Variants in ORMDL1 observed in about 807,000 individuals in gnomAD.
ORMDL1 encodes the protein ORM1-like protein 1.
ORMDL1 carries 10 observed loss-of-function variants against 13.0 expected under a neutral mutation model. That is an observed-to-expected ratio of 0.77 (90% CI 0.47 to 1.30). ORMDL1 has a LOEUF of 1.30. Ranked by LOEUF, ORMDL1 falls within the 50% of genes most tolerant of loss-of-function variation. The pLI is 0.00. For missense variants in ORMDL1, 171 were observed against 186.7 expected (o/e 0.92, Z 0.49); for synonymous variants, 61 against 63.9 (o/e 0.95, Z 0.22).
chr2:189,772,970 T>A (rs2047611973), intron 4 of ORMDL1, among the ~76,000 whole-genome samples: 1 of 152,218 alleles, frequency 6.6e-6, no homozygotes, highest in South Asian at 2.1e-4. Context: ...GTAAACCATA[T>A]TCCTCAATTC....
downstream of ORMDL1, among the ~76,000 whole-genome samples, chr2:189,767,764 A>G (rs1361843298): frequency 6.6e-6 from 1 of 152,236 alleles, no homozygotes; most frequent in Non-Finnish European, 1.5e-5. Context: ...ACCATTGTTT[A>G]TCAAGGGCTT....
chr2:189,783,748 A>G (rs1023546999), intron 1 of ORMDL1, among the ~76,000 whole-genome samples: 1 of 152,352 alleles, frequency 6.6e-6, no homozygotes, highest in South Asian at 2.1e-4. Flanking sequence ...GTTCCACAGG[A>G]TGGAGGCCTG....
chr2:189,774,372 T>C (rs775521605), intron 4 of ORMDL1, among the ~76,000 whole-genome samples: 7 of 152,200 alleles, frequency 4.6e-5, no homozygotes, highest in Admixed American at 1.3e-4. Context: ...CAAAATTTCC[T>C]CAAAGGGCTA....
At chr2:189,783,737 C>A (rs1473636685) in intron 1 of ORMDL1, among the ~76,000 whole-genome samples, 3 of 152,220 alleles carry the variant, frequency 2.0e-5, no homozygotes, top group African/African-American at 7.2e-5. Flanking sequence ...AGTTTTCCCA[C>A]GTTCCACAGG....
intron 3 of ORMDL1, among the ~76,000 whole-genome samples, chr2:189,777,809 G>A (rs1253232194): frequency 6.6e-6 from 1 of 152,150 alleles, no homozygotes; most frequent in African/African-American, 2.4e-5. Context: ...GGTTTCTACT[G>A]TACGGTTCAG....
intron 3 of ORMDL1, among the ~76,000 whole-genome samples, chr2:189,776,674 CA>C (rs767531171): frequency 6.6e-6 from 1 of 152,106 alleles, no homozygotes; most frequent in Non-Finnish European, 1.5e-5. Context: ...CCCTTCCTTT[CA>C]AGGCTTAGTC....
In ORMDL1 at chr2:189,770,450, CA is replaced by C. The variant is rs2047554723; in HGVS notation, c.*1316del. On this transcript the variant is annotated 3_prime_UTR_variant, in exon 5 of 5. Coordinates refer to ENST00000392349, the MANE Select transcript of ORMDL1 (RefSeq NM_016467.5). Reference sequence around the variant, plus strand: ...TTCTAAACTCAATACTTTTGAGATACAAAACAATGATCATTACCCCCAAAAG... The same window carrying C: ...TTCTAAACTCAATACTTTTGAGATACAAACAATGATCATTACCCCCAAAAG... The C allele has an allele frequency of 6.6e-6, 1 of 152,038 alleles. No individual in the cohort carries two copies. Among genetic ancestry groups the C allele is most frequent in the Non-Finnish European group, 1.5e-5 (1 of 67,992 alleles). 9.4% of individuals were successfully genotyped at this position (152,038 alleles called of 1,614,324 possible). A position where few individuals can be genotyped will look rare whatever the true frequency, so the allele number is the denominator to read the frequency against.
chr2:189,768,735 G>GTAC (rs755371752), downstream of ORMDL1, among the ~76,000 whole-genome samples: 22 of 152,258 alleles, frequency 1.4e-4, no homozygotes, highest in Non-Finnish European at 2.5e-4. Flanking sequence ...AACAGGGGAA[G>GTAC]TGGTACTCTT....
intron 3 of ORMDL1, chr2:189,778,357 T>C (rs763609082): frequency 4.4e-6 from 2 of 452,780 alleles, no homozygotes; most frequent in Non-Finnish European, 8.8e-6. Flanking sequence ...ATCGTGCCAC[T>C]GTACTCCAGC....
In ORMDL1 at chr2:189,782,616, T is replaced by G. The variant is rs199965501; in HGVS notation, c.-7-14A>C. ...TTCATGTTTGCTCTGTAGGAAGTAA[T>G]GAAATGAATCAACACTGATACAACT... On this transcript the variant is annotated splice_polypyrimidine_tract_variant and intron_variant, in intron 2 of 4. Coordinates refer to ENST00000392349, the MANE Select transcript of ORMDL1 (RefSeq NM_016467.5). 2.5e-6 allele frequency: 4 copies of G among 1,609,314 alleles called. No individual in the cohort carries two copies. In the African/African-American group the frequency reaches 5.3e-5, roughly 22 times the overall value.
downstream of ORMDL1, among the ~76,000 whole-genome samples, chr2:189,766,204 C>A (rs1574956885): frequency 2.6e-5 from 4 of 152,160 alleles, no homozygotes; most frequent in South Asian, 8.3e-4. Flanking sequence ...GTAATACTGT[C>A]AATCAGGTCT....
chr2:189,776,493 G>A (rs2047700025), intron 3 of ORMDL1, among the ~76,000 whole-genome samples: 2 of 152,068 alleles, frequency 1.3e-5, no homozygotes, highest in African/African-American at 2.4e-5. Flanking sequence ...TTTCATTCAG[G>A]ATCACTGCTT....
At chr2:189,773,944 T>C (rs534046333) in intron 4 of ORMDL1, 6 of 152,254 alleles carry the variant, frequency 3.9e-5, no homozygotes, top group Non-Finnish European at 7.4e-5. Context: ...TACATCTCAG[T>C]TGGCTTTTTG....
chr2:189,772,724 C>G lies in ORMDL1; in HGVS notation c.327-822G>C, dbSNP rs116661606. Among the ~76,000 whole-genome samples the G allele has an allele frequency of 2.2e-3, 338 of 152,292 alleles. 1 individual carries two copies. The highest frequency in any genetic ancestry group is 3.0e-3 in the Non-Finnish European group (203 of 68,012). On this transcript the variant is annotated intron_variant, in intron 4 of 4. Transcript: ENST00000392349. The stretch of plus-strand genomic sequence containing the variant: ...TTGTTCATAATTAAGAAGTTAGTTT[C>G]TATTTAGGTCTTTGCAGTACGCAAG...
At position 189,782,622 on chromosome 2, in the gene ORMDL1, G is replaced by C. The variant is rs369350054; in HGVS notation, c.-7-20C>G. On this transcript the variant is annotated intron_variant, in intron 2 of 4. Coordinates refer to ENST00000392349, the MANE Select transcript of ORMDL1 (RefSeq NM_016467.5). Reference sequence around the variant, plus strand: ...TTTGCTCTGTAGGAAGTAATGAAATGAATCAACACTGATACAACTGGCAAC... The same window carrying C: ...TTTGCTCTGTAGGAAGTAATGAAATCAATCAACACTGATACAACTGGCAAC... 1.2e-5 allele frequency: 20 copies of C among 1,600,944 alleles called. No individual in the cohort carries two copies. The African/African-American group carries it at 1.5e-4, about 12-fold the overall frequency.
chr2:189,770,851 T>C lies in ORMDL1; in HGVS notation c.*916A>G, dbSNP rs2047562892. 1 of 152,210 alleles carries C rather than the reference T, an allele frequency of 6.6e-6. No individual in the cohort carries two copies. 9.4% of individuals were successfully genotyped at this position (152,210 alleles called of 1,614,324 possible). A position where few individuals can be genotyped will look rare whatever the true frequency, so the allele number is the denominator to read the frequency against. ...GACTCCATTACTTACTTTGGTACTA[T>C]TGCTAGAGACGTTGTTTCTGCCAGA... On this transcript the variant is annotated 3_prime_UTR_variant, in exon 5 of 5. Transcript: ENST00000392349.
At chr2:189,764,907 A>G in the ORMDL1 span, 1 of 151,926 alleles carries the variant, frequency 6.6e-6, no homozygotes, top group Admixed American at 6.6e-5. Flanking sequence ...ATCTCAGCTC[A>G]CTACAACCTC....
chr2:189,777,440 T>C (rs974996570), intron 3 of ORMDL1, among the ~76,000 whole-genome samples: 10 of 152,234 alleles, frequency 6.6e-5, no homozygotes, highest in African/African-American at 2.4e-4. Context: ...ACATAGATAT[T>C]AGAATATAAG....
At chr2:189,770,052 A>G (rs190795140), downstream of ORMDL1, among the ~76,000 whole-genome samples, 89 of 152,312 alleles carry the variant, frequency 5.8e-4, 1 homozygote, top group African/African-American at 2.1e-3. Context: ...AATACCTAAC[A>G]TAATTCCTGT....
Sources: allele counts gnomAD v4.1 joint callset (sites outside exome capture counted in the v4.1 genomes callset), GRCh38; gene constraint gnomAD v4.1.1; transcripts MANE v1.5; gene names NCBI Gene and HGNC (gene_info 2026-07-23, HGNC 2026-07-21).